TMEM130: variants seen among roughly 807,000 people sequenced by gnomAD.
The protein encoded by TMEM130 is transmembrane protein 130.
A neutral mutation model predicts 42.9 loss-of-function variants in TMEM130; 37 were observed. That is an observed-to-expected ratio of 0.86 (90% CI 0.66 to 1.13). The LOEUF is 1.13. Ranked by LOEUF, TMEM130 falls within the 50% of genes most tolerant of loss-of-function variation. TMEM130 has a pLI of 0.00. For synonymous variants in TMEM130, 259 were observed against 237.7 expected, an observed-to-expected ratio of 1.09 and a Z score of -0.82; for missense variants, 545 against 562.6, an observed-to-expected ratio of 0.97 and a Z score of 0.32.
At chr7:98,859,908 A>T (rs924465979) in intron 3 of TMEM130, among the ~76,000 whole-genome samples, 1 of 151,836 alleles carries the variant, frequency 6.6e-6, no homozygotes, top group East Asian at 1.9e-4. Context: ...AAAAATAAAA[A>T]AAATACAAAA....
At chr7:98,858,929 G>A (rs1165127229) in intron 3 of TMEM130, among the ~76,000 whole-genome samples, 2 of 140,234 alleles carry the variant, frequency 1.4e-5, no homozygotes, top group Admixed American at 7.1e-5. Context: ...AACACTTTGG[G>A]AGGAGGAAGG....
In TMEM130 at chr7:98,863,418, A is replaced by G; in HGVS notation, c.86-18T>C. Reference sequence around the variant, plus strand: ...ATACAGGCCTAGGAGCCCAGAAACAAAGACTGTGTTTCAGAATGGTGTGTG... The same window carrying G: ...ATACAGGCCTAGGAGCCCAGAAACAGAGACTGTGTTTCAGAATGGTGTGTG... On this transcript the variant is annotated intron_variant, in intron 1 of 7. Coordinates refer to ENST00000339375, the MANE Select transcript of TMEM130 (RefSeq NM_152913.3). 1 of 1,550,906 alleles carries G rather than the reference A, an allele frequency of 6.4e-7. No individual in the cohort carries two copies. Among genetic ancestry groups the G allele is most frequent in the Non-Finnish European group, 8.7e-7 (1 of 1,151,256 alleles).
chr7:98,864,589 T>C (rs1293270213), intron 1 of TMEM130, among the ~76,000 whole-genome samples: 2 of 151,744 alleles, frequency 1.3e-5, no homozygotes, highest in East Asian at 3.9e-4. Flanking sequence ...CTCCTCTCTC[T>C]CTGTCAGGGT....
chr7:98,860,341 G>A lies in TMEM130; in HGVS notation c.392-3C>T, dbSNP rs964580646. ...AACAAGGTCCCCCACGAGGAACTCT[G>A]GGAGAGAGAGAGACACGGGAGGGTG... On this transcript the variant is annotated splice_polypyrimidine_tract_variant and splice_region_variant and intron_variant, in intron 2 of 7. Transcript: ENST00000339375. The A allele has an allele frequency of 4.6e-5, 73 of 1,584,280 alleles. No homozygotes were observed. Among genetic ancestry groups the A allele is most frequent in the Non-Finnish European group, 6.1e-5 (71 of 1,162,698 alleles).
At chr7:98,852,439 AT>A (rs1194734329) in intron 5 of TMEM130, among the ~76,000 whole-genome samples, 2 of 151,772 alleles carry the variant, frequency 1.3e-5, no homozygotes, top group Non-Finnish European at 2.9e-5. Context: ...CAATTTTTTA[AT>A]TTTTTAATAG....
rs564909130 is a variant in TMEM130, at chr7:98,859,014, G to C, written c.551+1165C>G. On this transcript the variant is annotated intron_variant, in intron 3 of 7. Coordinates refer to ENST00000339375, the MANE Select transcript of TMEM130 (RefSeq NM_152913.3). ...AGGGAGGGAGGGGAGAGGAGAGGAA[G>C]GGGGAAGGAAGGAAGGAAGGAAGAA... is the stretch of plus-strand genomic sequence containing the variant. Among the ~76,000 whole-genome samples the C allele has an allele frequency of 1.2e-3, 170 of 147,678 alleles. 1 individual carries two copies. Among genetic ancestry groups the C allele is most frequent in the Non-Finnish European group, 1.4e-3 (96 of 66,698 alleles).
At chr7:98,864,098 A>G (rs1244287319) in intron 1 of TMEM130, among the ~76,000 whole-genome samples, 1 of 152,056 alleles carries the variant, frequency 6.6e-6, no homozygotes. Context: ...TATGTTGCCC[A>G]GGCTGCCCAA....
At chr7:98,857,484 G>T (rs893384399) in intron 3 of TMEM130, among the ~76,000 whole-genome samples, 1 of 152,078 alleles carries the variant, frequency 6.6e-6, no homozygotes, top group Non-Finnish European at 1.5e-5. Flanking sequence ...AGGACTGCTT[G>T]AGCCCAGAAG....
Position 98,851,407 on chromosome 7 carries a change from G to T in TMEM130, c.1006+14C>A. On this transcript the variant is annotated intron_variant, in intron 6 of 7. Coordinates refer to ENST00000339375, the MANE Select transcript of TMEM130 (RefSeq NM_152913.3). ...CCCATGTGGCACTGGAGCAGAAGGC[G>T]AGGTGTCACTTACTGGAGGGCCACA... 1.2e-6 allele frequency: 2 copies of T among 1,613,396 alleles called. No individual in the cohort carries two copies. The highest frequency in any genetic ancestry group is 2.2e-5 in the South Asian group (2 of 91,042).
At chr7:98,864,084 G>T (rs1794855159) in intron 1 of TMEM130, among the ~76,000 whole-genome samples, 1 of 152,066 alleles carries the variant, frequency 6.6e-6, no homozygotes, top group Non-Finnish European at 1.5e-5. Context: ...TAGAGATGGG[G>T]GTCTATGTTG....
Position 98,869,797 on chromosome 7 carries a change from G to T in TMEM130, c.65C>A (p.Ala22Asp). 2.2e-5 allele frequency: 31 copies of T among 1,433,378 alleles called. No homozygotes were observed. The highest frequency in any genetic ancestry group is 2.8e-5 in the Non-Finnish European group (31 of 1,094,390). 88.8% of individuals were successfully genotyped at this position (1,433,378 alleles called of 1,614,324 possible). A position where few individuals can be genotyped will look rare whatever the true frequency, so the allele number is the denominator to read the frequency against. Reference sequence around the variant, plus strand: ...CTTACCTGCGGCCACCCCTGCCGGGGCCCAGGGCAGGAGGCAGGCAAGCCA... The same window carrying T: ...CTTACCTGCGGCCACCCCTGCCGGGTCCCAGGGCAGGAGGCAGGCAAGCCA... Reference protein sequence around the residue: ...ILWLACLLPWAPAGVAAGLYE... With the variant: ...ILWLACLLPWDPAGVAAGLYE... Residue 22 changes from alanine to aspartate, a missense_variant, in exon 1 of 8, where the codon GCC (alanine) becomes GAC (aspartate). Physicochemically the swap from Ala to Asp is moderately radical, Grantham distance 126. Coordinates refer to ENST00000339375, the MANE Select transcript of TMEM130 (RefSeq NM_152913.3). This position sits in a 1 kb window ranked among gnomAD's most constrained non-coding sequence, Gnocchi z 4.7.
chr7:98,850,269 A>T (rs58294924), intron 6 of TMEM130, among the ~76,000 whole-genome samples: 7,817 of 29,088 alleles, frequency 0.27, 645 homozygotes, highest in Admixed American at 0.38. Flanking sequence ...ATATATATAT[A>T]TATATTTTTT....
rs200933199 is a variant in TMEM130, at chr7:98,855,260, C to T, written c.783G>A (p.Val261=). The change falls in exon 5 of 8, where the codon GTG becomes GTA. Residue 261 remains valine (V), a synonymous_variant. Coordinates refer to ENST00000339375, the MANE Select transcript of TMEM130 (RefSeq NM_152913.3). ...TLIQTFQKMT[V]TLNFLGSPPL... ...CTTACCTCCCCAGGAAGTTCAAGGT[C>T]ACGGTCATCTTTTGGAAGGTCTGAA... The T allele has an allele frequency of 3.2e-5, 51 of 1,613,576 alleles. 1 individual carries two copies. The East Asian group carries it at 5.6e-4, about 18-fold the overall frequency.
In TMEM130 at chr7:98,869,333, G is replaced by C; in HGVS notation, c.85+444C>G. 2.4e-6 allele frequency: 3 copies of C among 1,253,258 alleles called. No homozygotes were observed. Among genetic ancestry groups the C allele is most frequent in the Admixed American group, 2.7e-5 (1 of 36,600 alleles). The allele number at this position is 1,253,258 out of a possible 1,614,324, so 77.6% of individuals were successfully genotyped here. A position where few individuals can be genotyped will look rare whatever the true frequency, so the allele number is the denominator to read the frequency against. ...ACCAACACGGTGGGAAACCCCTCTA[G>C]ATGAGGCGACATTTTAAGGCAAAAA... On this transcript the variant is annotated intron_variant, in intron 1 of 7. Transcript: ENST00000339375. The surrounding 1 kb of genome is among the most constrained non-coding windows in gnomAD (Gnocchi z 4.7).
chr7:98,855,197 A>G lies in TMEM130; in HGVS notation c.803+43T>C, dbSNP rs376331479. The G allele has an allele frequency of 2.6e-6, 4 of 1,567,148 alleles. No homozygotes were observed. The African/African-American group carries it at 5.4e-5, about 21-fold the overall frequency. On this transcript the variant is annotated intron_variant, in intron 5 of 7. Coordinates refer to ENST00000339375, the MANE Select transcript of TMEM130 (RefSeq NM_152913.3). ...GGGGTCATCGTGAAGGGGGATGTGC[A>G]GAGCCCACGGGGCACCCCCAGTGCG...
At chr7:98,867,976 C>T (rs1469505771) in intron 1 of TMEM130, among the ~76,000 whole-genome samples, 1 of 152,214 alleles carries the variant, frequency 6.6e-6, no homozygotes, top group East Asian at 1.9e-4. Context: ...CACCTGTAAT[C>T]CCAGCACTTT....
At chr7:98,864,949 C>T (rs555716864) in intron 1 of TMEM130, among the ~76,000 whole-genome samples, 1 of 152,318 alleles carries the variant, frequency 6.6e-6, no homozygotes, top group South Asian at 2.1e-4. Flanking sequence ...TACCTCTCAC[C>T]CCCTCAGCTC....
intron 1 of TMEM130, chr7:98,865,671 T>G (rs1794891211): frequency 6.6e-6 from 1 of 152,184 alleles, no homozygotes; most frequent in South Asian, 2.1e-4. Flanking sequence ...TTCAACTATT[T>G]TACCTTGTTT....
In TMEM130 at chr7:98,860,180, C is replaced by T. The variant is rs782647233; in HGVS notation, c.550G>A (p.Gly184Arg). The T allele has an allele frequency of 1.2e-5, 19 of 1,611,066 alleles. No homozygotes were observed. Among genetic ancestry groups the T allele is most frequent in the East Asian group, 4.5e-5 (2 of 44,876 alleles). The change falls in exon 3 of 8, where the codon GGG (glycine) becomes AGG (arginine). Residue 184 changes from glycine (G) to arginine (R), a missense_variant and splice_region_variant. Transcript: ENST00000339375. ...LFLYSWDFGD[G>R]TQMVTEDSVV... ...GCCTGCAGAGGGGTAAGGACCTACC[C>T]GTCCCCGAAGTCCCAGCTGTAGAGA...
Sources: gnomAD v4.1 joint callset for allele counts (sites outside exome capture counted in the v4.1 genomes callset) on GRCh38, gnomAD v4.1.1 for gene constraint, Gnocchi (gnomAD v3.1) non-coding constraint, MANE v1.5 for transcripts, NCBI Gene and HGNC (gene_info 2026-07-23, HGNC 2026-07-21) for gene names.